The following CA12 variants were observed in gnomAD, a reference collection of about 807,000 sequenced individuals.
CA12 encodes carbonate dehydratase XII.
A neutral mutation model predicts 46.8 loss-of-function variants in CA12; 36 were observed. That is an observed-to-expected ratio of 0.77 (90% CI 0.59 to 1.02). CA12 has a LOEUF of 1.02. Among genes scored for constraint, CA12 ranks in the 50% least tolerant of loss-of-function variants. The pLI, the probability that CA12 is intolerant of heterozygous loss-of-function variation, is 0.00. For missense variants in CA12, 436 were observed against 451.4 expected, an observed-to-expected ratio of 0.97 and a Z score of 0.31; for synonymous variants, 202 against 187.0, an observed-to-expected ratio of 1.08 and a Z score of -0.65.
chr15:63,375,583 G>T, intron 2 of CA12, 75 bp downstream of exon 2: 1 of 983,854 alleles, frequency 1.0e-6, no homozygotes, highest in South Asian at 1.4e-5. Context: ...AGAGCATGAA[G>T]TTTCTGTTTT....
chr15:63,336,698 T>C (rs555953337), intron 8 of CA12, among the ~76,000 whole-genome samples: 1 of 136,998 alleles, frequency 7.3e-6, no homozygotes, highest in African/African-American at 2.7e-5. Context: ...TTACCTGGCA[T>C]TTTGTGGCTG....
At chr15:63,336,231 T>C (rs1290746061) in intron 8 of CA12, among the ~76,000 whole-genome samples, 1 of 152,140 alleles carries the variant, frequency 6.6e-6, no homozygotes, top group Non-Finnish European at 1.5e-5. Flanking sequence ...AGCTCCCCTA[T>C]CCAGACTGGG....
At position 63,338,799 on chromosome 15, in the gene CA12, C is replaced by T. The variant is rs541872967; in HGVS notation, c.874+20G>A. The T allele has an allele frequency of 1.1e-5, 17 of 1,613,622 alleles. No homozygotes were observed. In the African/African-American group the frequency reaches 2.0e-4, roughly 19 times the overall value. ...CACCACACTCCCGCACCCCCTCCCC[C>T]CAGCACTGCCTCTCCTCACCTTGGG... On this transcript the variant is annotated intron_variant, in intron 8 of 10. Coordinates refer to ENST00000178638, the MANE Select transcript of CA12 (RefSeq NM_001218.5).
intron 2 of CA12, among the ~76,000 whole-genome samples, chr15:63,360,065 G>A (rs2039342075): frequency 6.6e-6 from 1 of 152,202 alleles, no homozygotes; most frequent in Admixed American, 6.5e-5. Context: ...CTTTTATCCT[G>A]CTTGCAAGTT....
At chr15:63,379,499 C>G (rs1308248308) in intron 1 of CA12, among the ~76,000 whole-genome samples, 1 of 152,218 alleles carries the variant, frequency 6.6e-6, no homozygotes, top group East Asian at 1.9e-4. Flanking sequence ...CAAGCGAGGC[C>G]AGGCCAAGGC....
At chr15:63,343,474 T>C (rs2039108192) in intron 4 of CA12, among the ~76,000 whole-genome samples, 1 of 151,780 alleles carries the variant, frequency 6.6e-6, no homozygotes, top group Non-Finnish European at 1.5e-5. Context: ...AGAGATGGGG[T>C]TTCACCATGT....
chr15:63,367,420 C>T (rs1398809748), intron 2 of CA12, among the ~76,000 whole-genome samples: 2 of 152,138 alleles, frequency 1.3e-5, no homozygotes, highest in South Asian at 4.1e-4. Context: ...ATAGAGTTTC[C>T]AGAAAAGTGG....
intron 2 of CA12, among the ~76,000 whole-genome samples, chr15:63,375,101 A>G (rs566083164): frequency 4.6e-4 from 70 of 152,210 alleles, no homozygotes; most frequent in Admixed American, 2.0e-3. Flanking sequence ...CCAGGCAACA[A>G]GCACACTGGT....
chr15:63,368,702 G>A (rs769421837), intron 2 of CA12, among the ~76,000 whole-genome samples: 1 of 152,182 alleles, frequency 6.6e-6, no homozygotes, highest in African/African-American at 2.4e-5. Flanking sequence ...TGGTCAAGTC[G>A]GAGCACAGCC....
chr15:63,377,700 G>A (rs2039594710), intron 1 of CA12, among the ~76,000 whole-genome samples: 1 of 152,082 alleles, frequency 6.6e-6, no homozygotes, highest in Non-Finnish European at 1.5e-5. Context: ...CTGCTCCCTA[G>A]AGCAACCACT....
chr15:63,372,693 G>A lies in CA12; in HGVS notation c.106+2965C>T, dbSNP rs2039522220. 6.6e-6 allele frequency among the ~76,000 whole-genome samples: 1 copy of A among 152,164 alleles called. No homozygotes were observed. The highest frequency in any genetic ancestry group is 1.5e-5 in the Non-Finnish European group (1 of 68,016). On this transcript the variant is annotated intron_variant, in intron 2 of 10. Transcript: ENST00000178638. The surrounding 1 kb of genome is among the most constrained non-coding windows in gnomAD (Gnocchi z 4.5). ...GCTGGGCCCTCTGTCTACCTGTGCAGCCCTGAGCACAGGTGCCAGCTGCCA... is the reference window on the plus strand; with the variant it reads ...GCTGGGCCCTCTGTCTACCTGTGCAACCCTGAGCACAGGTGCCAGCTGCCA...
chr15:63,350,413 C>G (rs776322062), intron 2 of CA12, among the ~76,000 whole-genome samples: 2 of 152,238 alleles, frequency 1.3e-5, no homozygotes, highest in Non-Finnish European at 2.9e-5. Context: ...GGGAGTGACT[C>G]TCCTAAAAGA....
At chr15:63,334,419 C>A (rs2038973655) in intron 8 of CA12, among the ~76,000 whole-genome samples, 1 of 151,052 alleles carries the variant, frequency 6.6e-6, no homozygotes, top group Non-Finnish European at 1.5e-5. Context: ...CCATGCCTGG[C>A]TGATTTTTTT....
At chr15:63,380,409 G>T (rs2039630272) in intron 1 of CA12, among the ~76,000 whole-genome samples, 1 of 152,136 alleles carries the variant, frequency 6.6e-6, no homozygotes, top group African/African-American at 2.4e-5. Flanking sequence ...AGGAAAGAGG[G>T]CCAACTAATG....
intron 2 of CA12, among the ~76,000 whole-genome samples, chr15:63,362,146 T>A (rs1334252584): frequency 1.3e-5 from 2 of 152,170 alleles, no homozygotes; most frequent in East Asian, 3.8e-4. Flanking sequence ...AACAAATGAA[T>A]GTAGCTGTGT....
intron 2 of CA12, among the ~76,000 whole-genome samples, chr15:63,359,966 G>A (rs2039341050): frequency 6.6e-6 from 1 of 152,194 alleles, no homozygotes; most frequent in South Asian, 2.1e-4. Flanking sequence ...GCTCTGTCAT[G>A]TAGCACACAA....
rs1268379421 is a variant in CA12, at chr15:63,322,566, C to T, written c.*3719G>A. The T allele has an allele frequency of 2.0e-5, 3 of 152,210 alleles. No homozygotes were observed. Among genetic ancestry groups the T allele is most frequent in the African/African-American group, 7.2e-5 (3 of 41,440 alleles). 9.4% of individuals were successfully genotyped at this position (152,210 alleles called of 1,614,324 possible). A position where few individuals can be genotyped will look rare whatever the true frequency, so the allele number is the denominator to read the frequency against. On this transcript the variant is annotated 3_prime_UTR_variant, in exon 11 of 11. Coordinates refer to ENST00000178638, the MANE Select transcript of CA12 (RefSeq NM_001218.5). The surrounding 1 kb of genome is among the most constrained non-coding windows in gnomAD (Gnocchi z 4.1). ...CATCCTAAAGGAGGGCCTGAGTTCC[C>T]TCTGCCGACCTATGGCTCTCACTGC... is the stretch of plus-strand genomic sequence containing the variant.
chr15:63,376,143 G>A (rs2039567949), intron 1 of CA12, among the ~76,000 whole-genome samples: 1 of 152,148 alleles, frequency 6.6e-6, no homozygotes, highest in Non-Finnish European at 1.5e-5. Flanking sequence ...CATCAGAACA[G>A]CAGCTTCTCA....
rs192451686 is a variant in CA12 at position 63,325,843 on chromosome 15, T to A, written c.*442A>T. On this transcript the variant is annotated 3_prime_UTR_variant, in exon 11 of 11. Transcript: ENST00000178638. The surrounding 1 kb of genome is among the most constrained non-coding windows in gnomAD (Gnocchi z 4.9). ...TGCCCCGTCTCCAGAGGAAAGAAGTTGAGTTTCCCAAGCAAAACCTAAGCA... is the reference window on the plus strand; with the variant it reads ...TGCCCCGTCTCCAGAGGAAAGAAGTAGAGTTTCCCAAGCAAAACCTAAGCA... 1.4e-3 allele frequency: 294 copies of A among 211,812 alleles called. No homozygotes were observed. The highest frequency in any genetic ancestry group is 6.0e-3 in the African/African-American group (267 of 44,476). 13.1% of individuals were successfully genotyped at this position (211,812 alleles called of 1,614,324 possible).
Sources: gnomAD v4.1 joint callset for allele counts (sites outside exome capture counted in the v4.1 genomes callset) on GRCh38, gnomAD v4.1.1 for gene constraint, Gnocchi (gnomAD v3.1) non-coding constraint, MANE v1.5 for transcripts, NCBI Gene and HGNC (gene_info 2026-07-23, HGNC 2026-07-21) for gene names.